Variants in PLEKHA8 observed in about 807,000 individuals in gnomAD.
PLEKHA8 encodes the protein pleckstrin homology domain-containing family A member 8.
In PLEKHA8, 36 loss-of-function variants were observed where a neutral mutation model predicts 68.2. The observed-to-expected ratio is 0.53, with a 90% confidence interval of 0.40 to 0.70. PLEKHA8 has a LOEUF of 0.70. Ranked by LOEUF, PLEKHA8 falls within the 30% of genes least tolerant of loss-of-function variation. PLEKHA8 has a pLI of 0.00. For synonymous variants in PLEKHA8, 211 were observed against 216.1 expected (o/e 0.98, Z 0.20); for missense variants, 505 against 615.4 (o/e 0.82, Z 1.90).
chr7:30,114,109 G>C (rs1220165697), intron 13 of PLEKHA8, among the ~76,000 whole-genome samples: 1 of 152,058 alleles, frequency 6.6e-6, no homozygotes, highest in Admixed American at 6.6e-5. Flanking sequence ...ATGTTGGCCA[G>C]GCTGGTCTTG....
chr7:30,074,400 T>C (rs1794480358), intron 13 of PLEKHA8, among the ~76,000 whole-genome samples: 1 of 152,188 alleles, frequency 6.6e-6, no homozygotes, highest in Admixed American at 6.6e-5. Context: ...TAGCAAAGAC[T>C]GTTAAAGAAA....
intron 13 of PLEKHA8, among the ~76,000 whole-genome samples, chr7:30,097,376 C>T (rs1055325150): frequency 6.6e-6 from 1 of 152,126 alleles, no homozygotes; most frequent in South Asian, 2.1e-4. Flanking sequence ...GTTGGCCTGC[C>T]TTGCTAGATT....
chr7:30,036,407 A>G (rs1019885207), intron 1 of PLEKHA8, among the ~76,000 whole-genome samples: 4 of 143,424 alleles, frequency 2.8e-5, no homozygotes, highest in Admixed American at 6.9e-5. Flanking sequence ...GATAGGATAG[A>G]ATAGATAGAT....
intron 7 of PLEKHA8, 84 bp from the exon 8 acceptor site, chr7:30,054,625 G>A: frequency 1.1e-6 from 1 of 921,368 alleles, no homozygotes; most frequent in Non-Finnish European, 1.5e-6. Flanking sequence ...GTATTTTTCT[G>A]TGTTTTAGAA....
chr7:30,107,337 ACTTATTC>A (rs1222645063), intron 13 of PLEKHA8, among the ~76,000 whole-genome samples: 1 of 151,994 alleles, frequency 6.6e-6, no homozygotes, highest in African/African-American at 2.4e-5. Context: ...AAAATTGTAA[ACTTATTC>A]CTAGGTACCT....
chr7:30,098,222 G>A (rs753826562), intron 13 of PLEKHA8, among the ~76,000 whole-genome samples: 16 of 152,252 alleles, frequency 1.1e-4, no homozygotes, highest in Admixed American at 2.0e-4. Context: ...CATGTGAGGT[G>A]TCAGTCTGCC....
rs1790379040 is a variant in PLEKHA8 at position 30,028,514 on chromosome 7, T to G, written c.-249T>G. On this transcript the variant is annotated 5_prime_UTR_variant, in exon 1 of 14. Coordinates refer to ENST00000449726, the MANE Select transcript of PLEKHA8 (RefSeq NM_001197026.2). ...TAGGGCCCGGACCCGGGCCTCCTTGTGAACAGCGTGCCGGCTTCGCCCCAC... is the reference window on the plus strand; with the variant it reads ...TAGGGCCCGGACCCGGGCCTCCTTGGGAACAGCGTGCCGGCTTCGCCCCAC... The G allele has an allele frequency of 5.5e-6, 2 of 364,618 alleles. No individual in the cohort carries two copies. The highest frequency in any genetic ancestry group is 4.9e-6 in the Non-Finnish European group (1 of 204,386). The allele number at this position is 364,618 out of a possible 1,614,324, so 22.6% of individuals were successfully genotyped here. A position where few individuals can be genotyped will look rare whatever the true frequency, so the allele number is the denominator to read the frequency against.
intron 3 of PLEKHA8, among the ~76,000 whole-genome samples, chr7:30,047,179 C>T (rs1562860898): frequency 6.6e-6 from 1 of 152,090 alleles, no homozygotes; most frequent in Non-Finnish European, 1.5e-5. Context: ...ATTCTAGAAG[C>T]TGTTGGCTTT....
intron 13 of PLEKHA8, among the ~76,000 whole-genome samples, chr7:30,107,159 A>G (rs1046944942): frequency 6.6e-6 from 1 of 152,120 alleles, no homozygotes; most frequent in African/African-American, 2.4e-5. Context: ...CTTCCTACCA[A>G]TGAATATAGT....
At chr7:30,047,779 A>G (rs1792069960) in intron 3 of PLEKHA8, 53 bp from the exon 4 acceptor site, 2 of 1,538,876 alleles carry the variant, frequency 1.3e-6, no homozygotes, top group Non-Finnish European at 1.8e-6. Flanking sequence ...TATCCTAACT[A>G]GTAAATCAGT....
chr7:30,028,821 C>T lies in PLEKHA8; in HGVS notation c.40+19C>T, dbSNP rs1349985362. On this transcript the variant is annotated intron_variant, in intron 1 of 13. Coordinates refer to ENST00000449726, the MANE Select transcript of PLEKHA8 (RefSeq NM_001197026.2). Reference sequence around the variant, plus strand: ...CTGAGCGGTGAGTGGCCGTGCCGGGCCGGGGGCGCGCCGGGGGCCGGTCCT... The same window carrying T: ...CTGAGCGGTGAGTGGCCGTGCCGGGTCGGGGGCGCGCCGGGGGCCGGTCCT... The T allele has an allele frequency of 7.9e-7, 1 of 1,261,128 alleles. No individual in the cohort carries two copies. 78.1% of individuals were successfully genotyped at this position (1,261,128 alleles called of 1,614,324 possible).
chr7:30,081,558 A>T lies in PLEKHA8; in HGVS notation c.*2771A>T. 1 of 984,812 alleles carries T rather than the reference A, an allele frequency of 1.0e-6. No individual in the cohort carries two copies. The highest frequency in any genetic ancestry group is 4.7e-5 in the South Asian group (1 of 21,272). 61.0% of individuals were successfully genotyped at this position (984,812 alleles called of 1,614,324 possible). A position where few individuals can be genotyped will look rare whatever the true frequency, so the allele number is the denominator to read the frequency against. ...AAGATATTTAAAGCTTTCTCTCCAT[A>T]GCCCTCCAAGACTTCTGGGACAACT... is the stretch of plus-strand genomic sequence containing the variant. On this transcript the variant is annotated 3_prime_UTR_variant, in exon 14 of 14. Coordinates refer to ENST00000449726, the MANE Select transcript of PLEKHA8 (RefSeq NM_001197026.2).
intron 13 of PLEKHA8, 122 bp downstream of exon 13, chr7:30,074,254 G>GTT (rs1387288737): frequency 1.6e-6 from 1 of 643,020 alleles, no homozygotes; most frequent in Non-Finnish European, 2.6e-6. Context: ...AGTTGTGTGT[G>GTT]TGTGTGTGTG....
At chr7:30,078,529 A>T in intron 13 of PLEKHA8, 61 bp from the exon 14 acceptor site, 1 of 1,570,764 alleles carries the variant, frequency 6.4e-7, no homozygotes, top group Non-Finnish European at 8.7e-7. Context: ...GTGCACATGC[A>T]TAAAAATAAG....
intron 13 of PLEKHA8, among the ~76,000 whole-genome samples, chr7:30,107,213 A>G (rs1315590928): frequency 6.6e-6 from 1 of 152,064 alleles, no homozygotes; most frequent in Non-Finnish European, 1.5e-5. Context: ...AAGTTTTACA[A>G]TTTTGTTATA....
intron 1 of PLEKHA8, among the ~76,000 whole-genome samples, chr7:30,035,698 G>A (rs936487404): frequency 7.2e-5 from 11 of 152,032 alleles, no homozygotes; most frequent in African/African-American, 2.7e-4. Context: ...AGGCTGGAGT[G>A]CAGTGGCACA....
chr7:30,130,413 G>A (rs969998142), downstream of PLEKHA8: 2 of 152,126 alleles, frequency 1.3e-5, no homozygotes, highest in Non-Finnish European at 1.5e-5. Flanking sequence ...CTGAAAATAC[G>A]GGCAAGGGGG....
intron 9 of PLEKHA8, among the ~76,000 whole-genome samples, chr7:30,057,130 C>G (rs1326620595): frequency 1.3e-5 from 2 of 151,862 alleles, no homozygotes; most frequent in Non-Finnish European, 2.9e-5. Flanking sequence ...ACAAATGCAT[C>G]TACCTCTCTA....
intron 13 of PLEKHA8, among the ~76,000 whole-genome samples, chr7:30,109,056 G>A (rs1246406033): frequency 6.6e-6 from 1 of 152,070 alleles, no homozygotes; most frequent in Non-Finnish European, 1.5e-5. Flanking sequence ...TTCAACAATG[G>A]GAGGACAGCG....
Sources: allele counts gnomAD v4.1 joint callset (sites outside exome capture counted in the v4.1 genomes callset), GRCh38; gene constraint gnomAD v4.1.1; transcripts MANE v1.5; gene names NCBI Gene and HGNC (gene_info 2026-07-23, HGNC 2026-07-21).